Variants in POLR2B observed in about 807,000 individuals in gnomAD.
The protein encoded by POLR2B is RNA polymerase II subunit B, also known as DNA-directed RNA polymerase II subunit RPB2.
In POLR2B, 57 loss-of-function variants were observed where a neutral mutation model predicts 144.6. The observed-to-expected ratio is 0.39, with a 90% CI of 0.32 to 0.49. The LOEUF is 0.49. Among genes scored for constraint, POLR2B ranks in the 20% least tolerant of loss-of-function variants. The pLI, the probability that POLR2B is intolerant of heterozygous loss-of-function variation, is 0.83. For missense variants in POLR2B, 595 were observed against 1,467.4 expected, an observed-to-expected ratio of 0.41 and a Z score of 9.71; for synonymous variants, 442 against 469.8, an observed-to-expected ratio of 0.94 and a Z score of 0.77.
At chr4:56,987,352 A>G (rs1427416526) in intron 2 of POLR2B, among the ~76,000 whole-genome samples, 1 of 152,210 alleles carries the variant, frequency 6.6e-6, no homozygotes, top group Non-Finnish European at 1.5e-5. Flanking sequence ...AAAGTAACTT[A>G]TAAGTGATAA....
intron 16 of POLR2B, among the ~76,000 whole-genome samples, chr4:57,019,389 A>G (rs1366423809): frequency 6.8e-6 from 1 of 148,056 alleles, no homozygotes; most frequent in Non-Finnish European, 1.5e-5. Context: ...TTTTTTTTGT[A>G]GAGATAGGGT....
Position 57,023,897 on chromosome 4 carries a change from T to A in POLR2B, c.2857-108T>A, listed in dbSNP as rs941518850. ...GTTGAATAAGTATATGAACATACCA[T>A]GTTTAAACAGAATTTGGGACATACA... On this transcript the variant is annotated intron_variant, in intron 20 of 24. Transcript: ENST00000314595. This position sits in a 1 kb window ranked among gnomAD's most constrained non-coding sequence, Gnocchi z 4.3. 1 of 788,418 alleles carries A rather than the reference T, an allele frequency of 1.3e-6. No individual in the cohort carries two copies. Among genetic ancestry groups the A allele is most frequent in the Admixed American group, 2.6e-5 (1 of 38,340 alleles). The allele number at this position is 788,418 out of a possible 1,614,324, so 48.8% of individuals were successfully genotyped here.
chr4:57,021,662 G>A (rs952143327), intron 17 of POLR2B, among the ~76,000 whole-genome samples: 5 of 150,568 alleles, frequency 3.3e-5, no homozygotes, highest in Admixed American at 6.6e-5. Flanking sequence ...GTTTTTTTTT[G>A]TTGTTGTTTG....
chr4:56,994,490 C>A lies in POLR2B; in HGVS notation c.330C>A (p.Pro110=). The change falls in exon 4 of 25, where the codon CCC becomes CCA. Residue 110 remains proline (P), a synonymous_variant. Coordinates refer to ENST00000314595, the MANE Select transcript of POLR2B (RefSeq NM_000938.3). The part of the protein sequence containing the change: ...ERDGAPSPMM[P]NEARLRNLTY... ...ATGGTGCTCCTTCACCAATGATGCC[C>A]AATGAAGCTAGATTAAGGAATCTCA... is the stretch of plus-strand genomic sequence containing the variant. 6.3e-7 allele frequency: 1 copy of A among 1,596,930 alleles called. No individual in the cohort carries two copies. Among genetic ancestry groups the A allele is most frequent in the Non-Finnish European group, 8.6e-7 (1 of 1,164,556 alleles).
At chr4:56,992,492 A>AG (rs1553909604) in intron 3 of POLR2B, among the ~76,000 whole-genome samples, 2,209 of 88,374 alleles carry the variant, frequency 0.025, 478 homozygotes, top group East Asian at 0.12. Context: ...AAAAAAAAAA[A>AG]GAAAAGAAAA....
intron 6 of POLR2B, among the ~76,000 whole-genome samples, chr4:56,996,191 CCT>C (rs1346810010): frequency 2.6e-5 from 3 of 114,360 alleles, no homozygotes; most frequent in South Asian, 2.8e-4. Flanking sequence ...TCTTGGAAAA[CCT>C]CTATTTCAGT....
In POLR2B at chr4:57,002,028, C is replaced by A. The variant is rs181427462; in HGVS notation, c.900+2247C>A. On this transcript the variant is annotated intron_variant, in intron 7 of 24. Coordinates refer to ENST00000314595, the MANE Select transcript of POLR2B (RefSeq NM_000938.3). ...TACTTTCAGATTTTGCCAGTAGTTACATACCTTATTATTATTTGAGAAAGG... is the reference window on the plus strand; with the variant it reads ...TACTTTCAGATTTTGCCAGTAGTTAAATACCTTATTATTATTTGAGAAAGG... Among the ~76,000 whole-genome samples the A allele has an allele frequency of 2.0e-5, 3 of 152,096 alleles. No homozygotes were observed. The East Asian group carries it at 5.8e-4, about 29-fold the overall frequency.
chr4:57,028,009 C>T (rs1008939017), intron 23 of POLR2B, among the ~76,000 whole-genome samples: 1 of 152,186 alleles, frequency 6.6e-6, no homozygotes, highest in African/African-American at 2.4e-5. Context: ...TCAACAAATA[C>T]TTAAAATTAT....
At chr4:57,003,139 A>G (rs1722905152) in intron 7 of POLR2B, among the ~76,000 whole-genome samples, 1 of 152,234 alleles carries the variant, frequency 6.6e-6, no homozygotes. Flanking sequence ...GTGTTTTTAA[A>G]ATAACCTTTG....
At position 57,020,879 on chromosome 4, in the gene POLR2B, T is replaced by C. The variant is rs747566060; in HGVS notation, c.2324-20T>C. 15 of 1,309,584 alleles carry C rather than the reference T, an allele frequency of 1.1e-5. No individual in the cohort carries two copies. The highest frequency in any genetic ancestry group is 6.9e-5 in the East Asian group (3 of 43,506). 81.1% of individuals were successfully genotyped at this position (1,309,584 alleles called of 1,614,324 possible). ...GTTTTCCAGGTGATGTTTTAATGTATGCTCTTAAATTCACTGCAGGCATCA... is the reference window on the plus strand; with the variant it reads ...GTTTTCCAGGTGATGTTTTAATGTACGCTCTTAAATTCACTGCAGGCATCA... On this transcript the variant is annotated intron_variant, in intron 16 of 24. Coordinates refer to ENST00000314595, the MANE Select transcript of POLR2B (RefSeq NM_000938.3).
At chr4:56,997,782 A>G (rs2109667980) in intron 6 of POLR2B, among the ~76,000 whole-genome samples, 1 of 152,300 alleles carries the variant, frequency 6.6e-6, no homozygotes, top group South Asian at 2.1e-4. Context: ...CTAAAGGTTC[A>G]CCTCAATAAC....
intron 16 of POLR2B, among the ~76,000 whole-genome samples, chr4:57,018,090 G>A (rs569392726): frequency 4.3e-4 from 65 of 152,330 alleles, no homozygotes; most frequent in Non-Finnish European, 7.8e-4. Flanking sequence ...GTACGGTACA[G>A]TTAGTCATGT....
chr4:57,001,304 A>G (rs1299618), intron 7 of POLR2B, among the ~76,000 whole-genome samples: 135,858 of 152,044 alleles, frequency 0.89, 60,722 homozygotes, highest in East Asian at 0.97. Context: ...GATTACAGGC[A>G]CGTGCCACCA....
At chr4:57,007,643 C>T (rs747105379) in intron 10 of POLR2B, among the ~76,000 whole-genome samples, 2 of 152,130 alleles carry the variant, frequency 1.3e-5, no homozygotes, top group Admixed American at 6.5e-5. Context: ...AAATGGTCAT[C>T]GCCCTCCTTT....
intron 5 of POLR2B, 76 bp downstream of exon 5, chr4:56,994,942 AAAAAG>A: frequency 2.3e-6 from 2 of 870,232 alleles, no homozygotes; most frequent in Admixed American, 2.6e-5. Context: ...AAAAAAAAAA[AAAAAG>A]AAAGAAAGAT....
intron 10 of POLR2B, among the ~76,000 whole-genome samples, chr4:57,008,273 G>A (rs187412220): frequency 6.2e-5 from 9 of 145,482 alleles, no homozygotes; most frequent in East Asian, 2.1e-4. Context: ...GGCAATCTCC[G>A]CTCACTGCAA....
intron 5 of POLR2B, 73 bp downstream of exon 5, chr4:56,994,939 A>AG (rs1190943189): frequency 7.7e-6 from 6 of 781,504 alleles, no homozygotes; most frequent in Non-Finnish European, 9.7e-6. Flanking sequence ...TGAAAAAAAA[A>AG]AAAAAAAGAA....
chr4:57,012,350 A>G (rs1723219156), intron 13 of POLR2B, among the ~76,000 whole-genome samples: 1 of 152,076 alleles, frequency 6.6e-6, no homozygotes, highest in South Asian at 2.1e-4. Flanking sequence ...GGTTGCAATG[A>G]GCAGAGATTG....
At chr4:57,008,205 G>GTTT (rs1179552926) in intron 10 of POLR2B, among the ~76,000 whole-genome samples, 2 of 64,774 alleles carry the variant, frequency 3.1e-5, no homozygotes, top group African/African-American at 1.0e-4. Context: ...TCAAGGAATT[G>GTTT]GTTTTTTTTT....
Sources: gnomAD v4.1 joint callset for allele counts (sites outside exome capture counted in the v4.1 genomes callset) on GRCh38, gnomAD v4.1.1 for gene constraint, Gnocchi (gnomAD v3.1) non-coding constraint, MANE v1.5 for transcripts, NCBI Gene and HGNC (gene_info 2026-07-23, HGNC 2026-07-21) for gene names.